The following CNTN5 variants were observed in gnomAD, a reference collection of about 807,000 sequenced individuals.
CNTN5 encodes the protein contactin-5.
In CNTN5, 77 loss-of-function variants were observed where a neutral mutation model predicts 129.1. The observed-to-expected ratio is 0.60, with a 90% CI of 0.50 to 0.72. The LOEUF (loss-of-function observed/expected upper bound fraction) is 0.72, where lower values mean the gene tolerates loss of function less well. Ranked by LOEUF, CNTN5 falls within the 30% of genes least tolerant of loss-of-function variation. CNTN5 has a pLI of 0.00. For synonymous variants in CNTN5, 509 were observed against 465.6 expected, an observed-to-expected ratio of 1.09 and a Z score of -1.20; for missense variants, 1,478 against 1,328.8, an observed-to-expected ratio of 1.11 and a Z score of -1.75.
chr11:99,534,282 T>C (rs1947819979), intron 2 of CNTN5, among the ~76,000 whole-genome samples: 2 of 152,230 alleles, frequency 1.3e-5, no homozygotes, highest in South Asian at 4.1e-4. Flanking sequence ...ACAGGAGCTA[T>C]GAATATTCAG....
intron 3 of CNTN5, among the ~76,000 whole-genome samples, chr11:99,764,005 A>AT (rs1026040603): frequency 1.3e-5 from 2 of 151,914 alleles, no homozygotes; most frequent in African/African-American, 2.4e-5. Flanking sequence ...TATTTATATT[A>AT]TTTTTTTTCC....
intron 1 of CNTN5, among the ~76,000 whole-genome samples, chr11:99,153,769 T>C (rs762706452): frequency 6.7e-5 from 10 of 149,586 alleles, no homozygotes; most frequent in Non-Finnish European, 1.3e-4. Context: ...CTCCTCTATG[T>C]GGCCTGATGT....
chr11:100,087,917 G>C (rs2137973378), intron 13 of CNTN5, among the ~76,000 whole-genome samples: 1 of 151,286 alleles, frequency 6.6e-6, no homozygotes, highest in East Asian at 1.9e-4. Context: ...ATCATACCAA[G>C]AACAGTGGAA....
intron 2 of CNTN5, among the ~76,000 whole-genome samples, chr11:99,342,653 G>T (rs1336772044): frequency 2.0e-5 from 3 of 148,680 alleles, no homozygotes; most frequent in Non-Finnish European, 4.4e-5. Context: ...GCTAAGGTGG[G>T]CAGGATCCCA....
intron 3 of CNTN5, among the ~76,000 whole-genome samples, chr11:99,786,781 T>C (rs1452748895): frequency 1.3e-5 from 2 of 152,106 alleles, no homozygotes; most frequent in Admixed American, 6.6e-5. Flanking sequence ...GTAAATGATG[T>C]TGGGAAAGTG....
chr11:99,137,087 T>C (rs1859268765), intron 1 of CNTN5, among the ~76,000 whole-genome samples: 1 of 152,182 alleles, frequency 6.6e-6, no homozygotes, highest in African/African-American at 2.4e-5. Flanking sequence ...TATATAACCA[T>C]TGTATAGAAG....
chr11:99,578,781 C>A (rs1478112362), intron 3 of CNTN5, among the ~76,000 whole-genome samples: 2 of 152,226 alleles, frequency 1.3e-5, no homozygotes, highest in East Asian at 3.9e-4. Context: ...CTGTAGGTTG[C>A]CTGTTCATTC....
At chr11:99,421,398 C>G (rs1942883105) in intron 2 of CNTN5, among the ~76,000 whole-genome samples, 1 of 152,152 alleles carries the variant, frequency 6.6e-6, no homozygotes, top group Non-Finnish European at 1.5e-5. Flanking sequence ...AGAATGGGCT[C>G]TGTACATCCT....
At chr11:99,752,232 G>A (rs1255862371) in intron 3 of CNTN5, among the ~76,000 whole-genome samples, 1 of 152,252 alleles carries the variant, frequency 6.6e-6, no homozygotes, top group Non-Finnish European at 1.5e-5. Flanking sequence ...TTGAGGAAGC[G>A]CTTTGTTTTT....
At chr11:99,570,600 T>G (rs1421991063) in intron 3 of CNTN5, among the ~76,000 whole-genome samples, 5 of 152,206 alleles carry the variant, frequency 3.3e-5, no homozygotes, top group African/African-American at 1.2e-4. Context: ...TACCAAGTAT[T>G]TATTATGTGC....
At chr11:99,531,859 A>T (rs903389374) in intron 2 of CNTN5, among the ~76,000 whole-genome samples, 28 of 152,352 alleles carry the variant, frequency 1.8e-4, no homozygotes, top group Middle Eastern at 3.4e-3. Context: ...CCGCCCAGGC[A>T]AAAGTTTCCT....
intron 16 of CNTN5, among the ~76,000 whole-genome samples, chr11:100,234,649 TG>T (rs1949569664): frequency 7.7e-6 from 1 of 129,644 alleles, no homozygotes; most frequent in Non-Finnish European, 1.6e-5. Context: ...GCCAGCAGGG[TG>T]GGGGTGGTTG....
At chr11:100,031,481 C>A (rs988468329) in intron 9 of CNTN5, among the ~76,000 whole-genome samples, 1 of 152,084 alleles carries the variant, frequency 6.6e-6, no homozygotes, top group African/African-American at 2.4e-5. Context: ...ATGAGGGGCG[C>A]CTGTCCATAC....
chr11:99,742,817 G>T (rs1943928346), intron 3 of CNTN5, among the ~76,000 whole-genome samples: 1 of 152,134 alleles, frequency 6.6e-6, no homozygotes, highest in Non-Finnish European at 1.5e-5. Flanking sequence ...ATCTCTTCAT[G>T]TAGATCATTC....
intron 3 of CNTN5, among the ~76,000 whole-genome samples, chr11:99,616,059 G>A (rs1356178301): frequency 1.3e-5 from 2 of 151,940 alleles, no homozygotes; most frequent in Admixed American, 6.6e-5. Context: ...TTCTACACCT[G>A]TTCTGTATAC....
intron 1 of CNTN5, among the ~76,000 whole-genome samples, chr11:99,143,195 CAG>C (rs2135466839): frequency 6.6e-6 from 1 of 151,714 alleles, no homozygotes; most frequent in East Asian, 1.9e-4. Flanking sequence ...AACAAAGAAA[CAG>C]AGCTATACAG....
intron 3 of CNTN5, among the ~76,000 whole-genome samples, chr11:99,753,122 T>A (rs904653339): frequency 1.4e-5 from 2 of 139,434 alleles, no homozygotes; most frequent in Non-Finnish European, 3.1e-5. Context: ...ATATTTGCTT[T>A]TTTTTTTTTT....
chr11:100,068,823 T>C (rs754845601), intron 10 of CNTN5, among the ~76,000 whole-genome samples: 4 of 152,176 alleles, frequency 2.6e-5, no homozygotes, highest in Non-Finnish European at 5.9e-5. Flanking sequence ...AAGTCTAGAC[T>C]ATATTGGCCA....
intron 2 of CNTN5, among the ~76,000 whole-genome samples, chr11:99,480,352 G>A (rs1945544192): frequency 6.6e-6 from 1 of 152,134 alleles, no homozygotes; most frequent in African/African-American, 2.4e-5. Flanking sequence ...AGGCTCTGGT[G>A]TCGGACAGCT....
Sources: gnomAD v4.1 joint callset for allele counts (sites outside exome capture counted in the v4.1 genomes callset) on GRCh38, gnomAD v4.1.1 for gene constraint, MANE v1.5 for transcripts, NCBI Gene and HGNC (gene_info 2026-07-23, HGNC 2026-07-21) for gene names.